Variants in IFNLR1 observed in about 807,000 individuals in gnomAD.
IFNLR1 encodes the protein CRF2-12.
In IFNLR1, 28 loss-of-function variants were observed where a neutral mutation model predicts 52.5. The observed-to-expected ratio is 0.53, with a 90% confidence interval of 0.40 to 0.73. IFNLR1 has a LOEUF of 0.73. Ranked by LOEUF, IFNLR1 falls within the 30% of genes least tolerant of loss-of-function variation. The pLI is 0.00. For synonymous variants in IFNLR1, 276 were observed against 274.9 expected (o/e 1.00, Z -0.04); for missense variants, 623 against 659.1 (o/e 0.95, Z 0.60).
At chr1:24,173,568 A>T (rs1303663756) in intron 2 of IFNLR1, among the ~76,000 whole-genome samples, 2 of 151,874 alleles carry the variant, frequency 1.3e-5, no homozygotes. Context: ...CTAATCTCCT[A>T]AATCTTAACC....
At chr1:24,171,583 G>A (rs1339298551) in intron 2 of IFNLR1, among the ~76,000 whole-genome samples, 2 of 152,074 alleles carry the variant, frequency 1.3e-5, no homozygotes, top group African/African-American at 4.8e-5. Context: ...CTACTCCTGG[G>A]CTCAGGTGAT....
chr1:24,162,439 C>T (rs1455041953), intron 3 of IFNLR1, among the ~76,000 whole-genome samples: 1 of 152,234 alleles, frequency 6.6e-6, no homozygotes, highest in Non-Finnish European at 1.5e-5. Context: ...TTAGATTGGG[C>T]CCATCTGGAT....
chr1:24,162,872 T>TCTCC (rs1644474002), intron 3 of IFNLR1, among the ~76,000 whole-genome samples: 7 of 40,120 alleles, frequency 1.7e-4, no homozygotes, highest in Admixed American at 2.9e-4. Flanking sequence ...TCTTTCTTTC[T>TCTCC]TTCTTTCCTT....
intron 3 of IFNLR1, among the ~76,000 whole-genome samples, chr1:24,165,356 A>C (rs1219289315): frequency 6.6e-6 from 1 of 152,218 alleles, no homozygotes; most frequent in Non-Finnish European, 1.5e-5. Flanking sequence ...GTTTTCAATT[A>C]CACGTTCCTT....
chr1:24,161,249 G>T, intron 4 of IFNLR1: 1 of 558,374 alleles, frequency 1.8e-6, no homozygotes. Flanking sequence ...TCTGAAATTG[G>T]ATATACACCA....
chr1:24,167,718 G>A (rs969029009), intron 3 of IFNLR1, among the ~76,000 whole-genome samples: 55 of 126,508 alleles, frequency 4.3e-4, no homozygotes, highest in Admixed American at 1.7e-3. Context: ...ATTTTGAGAC[G>A]GAGTCTTGCT....
chr1:24,160,464 C>T (rs1644430740), intron 4 of IFNLR1, among the ~76,000 whole-genome samples: 1 of 152,120 alleles, frequency 6.6e-6, no homozygotes, highest in South Asian at 2.1e-4. Flanking sequence ...TTCGATTTAC[C>T]TGTCTCTTTT....
At chr1:24,174,231 G>C (rs942589602) in intron 2 of IFNLR1, among the ~76,000 whole-genome samples, 12 of 152,146 alleles carry the variant, frequency 7.9e-5, no homozygotes, top group African/African-American at 1.9e-4. Context: ...ACCTAGCAAC[G>C]CCTTGACCTT....
intron 1 of IFNLR1, among the ~76,000 whole-genome samples, chr1:24,183,295 C>T (rs536532365): frequency 8.7e-4 from 132 of 151,488 alleles, no homozygotes; most frequent in African/African-American, 3.1e-3. Flanking sequence ...AGGCTTTTTC[C>T]CCATTAAAAA....
In IFNLR1 at chr1:24,154,945, T is replaced by C. The variant is rs1463551874; in HGVS notation, c.*2185A>G. 1 of 152,196 alleles carries C rather than the reference T, an allele frequency of 6.6e-6. No homozygotes were observed. Among genetic ancestry groups the C allele is most frequent in the East Asian group, 1.9e-4 (1 of 5,192 alleles). 9.4% of individuals were successfully genotyped at this position (152,196 alleles called of 1,614,324 possible). On this transcript the variant is annotated 3_prime_UTR_variant, in exon 7 of 7. Transcript: ENST00000327535. The stretch of plus-strand genomic sequence containing the variant: ...AAACAAAAATGGTAAGGTTTAAGAA[T>C]AGAAACGGAGTGGTTATTTCATACA...
intron 5 of IFNLR1, 30 bp downstream of exon 5, chr1:24,159,444 G>A (rs1557641648): frequency 6.2e-7 from 1 of 1,605,716 alleles, no homozygotes; most frequent in East Asian, 2.2e-5. Flanking sequence ...CAGAGGGAAA[G>A]TTTCTCTTTC....
chr1:24,166,030 T>C (rs1333763097), intron 3 of IFNLR1, among the ~76,000 whole-genome samples: 2 of 152,086 alleles, frequency 1.3e-5, no homozygotes, highest in Non-Finnish European at 2.9e-5. Flanking sequence ...AGGCAAAAAA[T>C]TAATGAAAAC....
chr1:24,162,249 G>A (rs951957064), intron 3 of IFNLR1, among the ~76,000 whole-genome samples: 5 of 152,132 alleles, frequency 3.3e-5, no homozygotes, highest in Non-Finnish European at 5.9e-5. Flanking sequence ...TTTCCTGGCC[G>A]ATTGTTAGTG....
chr1:24,159,668 C>T (rs1327369386), intron 4 of IFNLR1, 35 bp from the exon 5 acceptor site: 9 of 1,604,510 alleles, frequency 5.6e-6, no homozygotes, highest in Non-Finnish European at 5.1e-6. Context: ...GGCAGAGCTG[C>T]TGTGGGGACT....
chr1:24,167,390 ATT>A (rs544776770), intron 3 of IFNLR1, among the ~76,000 whole-genome samples: 1 of 148,102 alleles, frequency 6.8e-6, no homozygotes, highest in South Asian at 2.1e-4. Context: ...CTTATTATAA[ATT>A]TTTTTTTTTT....
chr1:24,183,822 C>T (rs1326245533), intron 1 of IFNLR1, among the ~76,000 whole-genome samples: 6 of 152,302 alleles, frequency 3.9e-5, no homozygotes, highest in East Asian at 3.9e-4. Context: ...CTCCACCTCC[C>T]GGGTTCAAGC....
rs1449676325 is a variant in IFNLR1 at position 24,154,306 on chromosome 1, G to A, written c.*2824C>T. 6.6e-6 allele frequency: 1 copy of A among 152,168 alleles called. No homozygotes were observed. The highest frequency in any genetic ancestry group is 1.5e-5 in the Non-Finnish European group (1 of 68,038). 9.4% of individuals were successfully genotyped at this position (152,168 alleles called of 1,614,324 possible). ...TACATAAGAACAACATATACCGTTAGTAGTCTAAAGGGATACATGTTGCTT... is the reference window on the plus strand; with the variant it reads ...TACATAAGAACAACATATACCGTTAATAGTCTAAAGGGATACATGTTGCTT... On this transcript the variant is annotated 3_prime_UTR_variant, in exon 7 of 7. Coordinates refer to ENST00000327535, the MANE Select transcript of IFNLR1 (RefSeq NM_170743.4).
In IFNLR1 at chr1:24,171,515, G is replaced by A. The variant is rs569317319; in HGVS notation, c.183-1914C>T. Among the ~76,000 whole-genome samples the A allele has an allele frequency of 5.3e-5, 8 of 152,278 alleles. 1 individual carries two copies. Among genetic ancestry groups the A allele is most frequent in the Middle Eastern group, 6.8e-3 (2 of 294 alleles). On this transcript the variant is annotated intron_variant, in intron 2 of 6. Transcript: ENST00000327535. The stretch of plus-strand genomic sequence containing the variant: ...AAAAATATATATTTTTTGAGACAGC[G>A]TCTTGCTCTGTTGCACAGGCTGGAG...
chr1:24,161,383 T>C, intron 4 of IFNLR1, 159 bp downstream of exon 4: 1 of 766,874 alleles, frequency 1.3e-6, no homozygotes. Flanking sequence ...CATCATACTT[T>C]GATCAGATTT....
Sources: gnomAD v4.1 joint callset for allele counts (sites outside exome capture counted in the v4.1 genomes callset) on GRCh38, gnomAD v4.1.1 for gene constraint, MANE v1.5 for transcripts, NCBI Gene and HGNC (gene_info 2026-07-23, HGNC 2026-07-21) for gene names.